FOSL1: variants seen among roughly 807,000 people sequenced by gnomAD.
The protein encoded by FOSL1 is fos-related antigen 1.
A neutral mutation model predicts 24.9 loss-of-function variants in FOSL1; 14 were observed. The ratio of observed to expected loss-of-function variants is 0.56; its 90% CI spans 0.37 to 0.88. The LOEUF (loss-of-function observed/expected upper bound fraction) is 0.88. Among genes scored for constraint, FOSL1 ranks in the 40% least tolerant of loss-of-function variants. The pLI, the probability that FOSL1 is intolerant of heterozygous loss-of-function variation, is 0.00. For synonymous variants in FOSL1, 133 were observed against 145.1 expected (o/e 0.92, Z 0.60); for missense variants, 318 against 359.8 (o/e 0.88, Z 0.94).
chr11:65,892,370 C>G lies in FOSL1; in HGVS notation c.*516G>C. 1 of 319,150 alleles carries G rather than the reference C, an allele frequency of 3.1e-6. No homozygotes were observed. The highest frequency in any genetic ancestry group is 6.2e-6 in the Non-Finnish European group (1 of 160,782). 19.8% of individuals were successfully genotyped at this position (319,150 alleles called of 1,614,324 possible). ...CTGAGATCCGCAGATCAGCTCATCA[C>G]AGAAGCCAAGGGCGCCTCCTGAGCT... On this transcript the variant is annotated 3_prime_UTR_variant, in exon 4 of 4. Transcript: ENST00000312562.
At chr11:65,893,431 C>G (rs1245110726) in intron 3 of FOSL1, 135 bp from the exon 4 acceptor site, 3 of 672,066 alleles carry the variant, frequency 4.5e-6, no homozygotes, top group Non-Finnish European at 7.5e-6. Flanking sequence ...CCCAGCAAGT[C>G]TGGACTACAA....
rs142205529 is a variant in FOSL1, at chr11:65,896,832, C to T, written c.274G>A (p.Val92Ile). ...ACCTGTTCACAAGGCCTTCGACGTA[C>T]CCCTGGAGGCGGCCCCAGGGCCCGG... ...VIRALGPPPGVRRRPCEQISP... is the reference protein window; with the variant it reads ...VIRALGPPPGIRRRPCEQISP... The change falls in exon 2 of 4, where the codon GTA (valine) becomes ATA (isoleucine). Residue 92 changes from valine (V) to isoleucine (I), a missense_variant. Val to Ile is a conservative substitution (Grantham distance 29). Transcript: ENST00000312562. The T allele has an allele frequency of 4.3e-6, 7 of 1,611,310 alleles. No individual in the cohort carries two copies. In the African/African-American group the frequency reaches 8.0e-5, roughly 18 times the overall value.
Position 65,896,780 on chromosome 11 carries a change from G to T in FOSL1, c.297+29C>A, listed in dbSNP as rs199745694. 19 of 1,554,044 alleles carry T rather than the reference G, an allele frequency of 1.2e-5. No homozygotes were observed. The South Asian group carries it at 1.4e-4, about 12-fold the overall frequency. On this transcript the variant is annotated intron_variant, in intron 2 of 3. Transcript: ENST00000312562. ...CACCCTAGCACTCCTGGGCGGGGTC[G>T]GAACCACTGCAATGCCTCTGTGCCT... is the stretch of plus-strand genomic sequence containing the variant.
chr11:65,893,342 C>T, intron 3 of FOSL1, 46 bp from the exon 4 acceptor site: 1 of 1,511,294 alleles, frequency 6.6e-7, no homozygotes, highest in Admixed American at 2.0e-5. Context: ...GGCTGAATAC[C>T]CCAGAGCCGC....
intron 2 of FOSL1, among the ~76,000 whole-genome samples, chr11:65,895,024 T>G (rs897636876): frequency 6.6e-6 from 1 of 150,770 alleles, no homozygotes; most frequent in South Asian, 2.1e-4. Context: ...GGTCTGGAAC[T>G]CATGGGCTCA....
rs557472138 is a variant in FOSL1 at position 65,893,726 on chromosome 11, T to C, written c.405+288A>G. Among the ~76,000 whole-genome samples, 284 of 151,974 alleles carry C rather than the reference T, an allele frequency of 1.9e-3. 1 individual carries two copies. Among genetic ancestry groups the C allele is most frequent in the African/African-American group, 6.3e-3 (262 of 41,432 alleles). ...GAATTGCTGGAGCCTGGGAGACAGA[T>C]GTCACAGTGAGCCATGAGCCGAGAT... On this transcript the variant is annotated intron_variant, in intron 3 of 3. Transcript: ENST00000312562.
At chr11:65,896,056 G>A (rs1179882767) in intron 2 of FOSL1, among the ~76,000 whole-genome samples, 2 of 152,134 alleles carry the variant, frequency 1.3e-5, no homozygotes, top group Admixed American at 6.6e-5. Context: ...GGTAGAGACA[G>A]GGTCTCTCTA....
intron 2 of FOSL1, 58 bp from the exon 3 acceptor site, chr11:65,894,179 C>T (rs1431434074): frequency 7.6e-7 from 1 of 1,318,658 alleles, no homozygotes; most frequent in Non-Finnish European, 1.1e-6. Context: ...TGGAACTCGC[C>T]CCTCATGGTG....
chr11:65,900,064 T>C (rs1860633628), intron 1 of FOSL1, among the ~76,000 whole-genome samples, 177 bp downstream of exon 1: 2 of 152,174 alleles, frequency 1.3e-5, no homozygotes, highest in African/African-American at 4.8e-5. Flanking sequence ...GGGTCTCTGC[T>C]GCCCGCTGCG....
At chr11:65,897,415 C>G (rs547586118) in intron 1 of FOSL1, among the ~76,000 whole-genome samples, 4 of 151,466 alleles carry the variant, frequency 2.6e-5, no homozygotes, top group Admixed American at 2.6e-4. Context: ...TCTCAGCTCA[C>G]TGCAACCTGC....
rs550744610 is a variant in FOSL1, at chr11:65,893,393, G to A, written c.406-97C>T. ...GGGTTCTGAGGAGCTGGGGTTGGGC[G>A]GGGGGAGAGGGGGGGCAGTGGAGAG... On this transcript the variant is annotated intron_variant, in intron 3 of 3. Coordinates refer to ENST00000312562, the MANE Select transcript of FOSL1 (RefSeq NM_005438.5). The A allele has an allele frequency of 2.3e-4, 201 of 856,904 alleles. 1 individual carries two copies. The East Asian group carries it at 4.9e-3, about 21-fold the overall frequency. The allele number at this position is 856,904 out of a possible 1,614,324, so 53.1% of individuals were successfully genotyped here. A position where few individuals can be genotyped will look rare whatever the true frequency, so the allele number is the denominator to read the frequency against.
At position 65,895,988 on chromosome 11, in the gene FOSL1, AGTGAGACAGC is replaced by A. The variant is rs1186105536; in HGVS notation, c.297+811_297+820del. Reference sequence around the variant, plus strand: ...TACTTTGAGCCTTCTGTTAGCTTCCAGTGAGACAGCGTGGCTTGGTGATTAGTTTTGGGGG... The same window carrying A: ...TACTTTGAGCCTTCTGTTAGCTTCCAGTGGCTTGGTGATTAGTTTTGGGGG... On this transcript the variant is annotated intron_variant, in intron 2 of 3. Transcript: ENST00000312562. 3.3e-5 allele frequency among the ~76,000 whole-genome samples: 5 copies of A among 152,324 alleles called. No homozygotes were observed. The East Asian group carries it at 9.6e-4, about 29-fold the overall frequency.
chr11:65,893,193 G>T lies in FOSL1; in HGVS notation c.509C>A (p.Pro170His). 1 of 1,614,036 alleles carries T rather than the reference G, an allele frequency of 6.2e-7. No homozygotes were observed. The highest frequency in any genetic ancestry group is 1.1e-5 in the South Asian group (1 of 91,080). The change falls in exon 4 of 4, where the codon CCC (proline) becomes CAC (histidine). Residue 170 changes from proline (P) to histidine (H), a missense_variant. Physicochemically the swap from Pro to His is moderately conservative, Grantham distance 77. Transcript: ENST00000312562. ...GGCTCCTTCCGGGATTTTGCAGATG[G>T]GTCGGTGGGCTTCCAGCACCAGCTC... ...RLELVLEAHR[P>H]ICKIPEGAKE...
At chr11:65,900,434 CGG>C (rs1860648630), upstream of FOSL1, 1 of 698,942 alleles carries the variant, frequency 1.4e-6, no homozygotes, top group African/African-American at 1.8e-5. Flanking sequence ...GAAAAGTTCT[CGG>C]GCTGAACCAC....
In FOSL1 at chr11:65,892,877, T is replaced by C. The variant is rs373389443; in HGVS notation, c.*9A>G. The C allele has an allele frequency of 4.1e-4, 664 of 1,609,210 alleles. 2 individuals carry two copies. Among genetic ancestry groups the C allele is most frequent in the South Asian group, 1.5e-3 (132 of 90,594 alleles). Reference sequence around the variant, plus strand: ...GGGTGGCATCTGCAGGGAGTAGGGCTCAGGCGCCTCACAAAGCGAGGAGGG... The same window carrying C: ...GGGTGGCATCTGCAGGGAGTAGGGCCCAGGCGCCTCACAAAGCGAGGAGGG... On this transcript the variant is annotated 3_prime_UTR_variant, in exon 4 of 4. Coordinates refer to ENST00000312562, the MANE Select transcript of FOSL1 (RefSeq NM_005438.5).
At chr11:65,900,093 C>A (rs907012753) in intron 1 of FOSL1, 148 bp downstream of exon 1, 2 of 411,758 alleles carry the variant, frequency 4.9e-6, no homozygotes, top group Non-Finnish European at 8.3e-6. Context: ...GCAACTGGCC[C>A]CGGACGGCGA....
chr11:65,893,129 G>T lies in FOSL1; in HGVS notation c.573C>A (p.Ser191Arg), dbSNP rs144760068. 7.1e-4 allele frequency: 1,138 copies of T among 1,612,984 alleles called. 8 individuals carry two copies. In the African/African-American group the frequency reaches 0.013, roughly 19 times the overall value. ...GTACAGGGCGGCAGGGGGCTGGTGG[G>T]CTGCTGGTGCCACTGGTACTGCCTG... Reference protein sequence around the residue: ...GDTGSTSGTSSPPAPCRPVPC... With the variant: ...GDTGSTSGTSRPPAPCRPVPC... The change falls in exon 4 of 4, where the codon AGC becomes AGA. Residue 191 changes from serine to arginine, a missense_variant. Physicochemically the swap from Ser to Arg is moderately radical, Grantham distance 110 (BLOSUM62 -1). Coordinates refer to ENST00000312562, the MANE Select transcript of FOSL1 (RefSeq NM_005438.5).
chr11:65,900,434 C>A, upstream of FOSL1: 1 of 699,058 alleles, frequency 1.4e-6, no homozygotes, highest in South Asian at 7.4e-5. Context: ...GAAAAGTTCT[C>A]GGGCTGAACC....
chr11:65,893,224 G>A lies in FOSL1; in HGVS notation c.478C>T (p.Arg160Cys), dbSNP rs759636377. The change falls in exon 4 of 4, where the codon CGC becomes TGC. Residue 160 changes from arginine (R) to cysteine (C), a missense_variant. Transcript: ENST00000312562. ...TGGGCTTCCAGCACCAGCTCTAGGCGCTCCTTCTGCTTCTGCAGCTCCTCA... is the reference window on the plus strand; with the variant it reads ...TGGGCTTCCAGCACCAGCTCTAGGCACTCCTTCTGCTTCTGCAGCTCCTCA... Reference protein sequence around the residue: ...EIEELQKQKERLELVLEAHRP... With the variant: ...EIEELQKQKECLELVLEAHRP... The A allele has an allele frequency of 1.5e-5, 24 of 1,613,714 alleles. No individual in the cohort carries two copies. Among genetic ancestry groups the A allele is most frequent in the East Asian group, 6.7e-5 (3 of 44,890 alleles).
Sources: gnomAD v4.1 joint callset for allele counts (sites outside exome capture counted in the v4.1 genomes callset) on GRCh38, gnomAD v4.1.1 for gene constraint, MANE v1.5 for transcripts, NCBI Gene and HGNC (gene_info 2026-07-23, HGNC 2026-07-21) for gene names.